Variants in CEP350 observed in about 807,000 individuals in gnomAD.
CEP350 encodes centrosome-associated protein 350.
In CEP350, 126 loss-of-function variants were observed where a neutral mutation model predicts 331.8. The observed-to-expected ratio is 0.38, with a 90% CI of 0.33 to 0.44. CEP350 has a LOEUF of 0.44. Among genes scored for constraint, CEP350 ranks in the 20% least tolerant of loss-of-function variants. The pLI, the probability that CEP350 is intolerant of heterozygous loss-of-function variation, is 1.00. For synonymous variants in CEP350, 1,200 were observed against 1,259.5 expected, an observed-to-expected ratio of 0.95 and a Z score of 1.00; for missense variants, 3,406 against 3,634.6, an observed-to-expected ratio of 0.94 and a Z score of 1.62.
intron 8 of CEP350, 114 bp from the exon 9 acceptor site, chr1:180,011,815 C>G: frequency 1.5e-6 from 1 of 684,864 alleles, no homozygotes; most frequent in South Asian, 2.3e-5. Flanking sequence ...TATTGTAAAT[C>G]TTTTGACCTT....
chr1:179,989,525 T>G (rs891323344), intron 3 of CEP350, among the ~76,000 whole-genome samples: 1 of 151,974 alleles, frequency 6.6e-6, no homozygotes, highest in Non-Finnish European at 1.5e-5. Flanking sequence ...ATCAAAATTT[T>G]ATATAAAATG....
chr1:180,004,489 G>T (rs1654074944), intron 7 of CEP350, among the ~76,000 whole-genome samples: 1 of 152,114 alleles, frequency 6.6e-6, no homozygotes, highest in Non-Finnish European at 1.5e-5. Flanking sequence ...CATTGTAAAA[G>T]AACCCCTCTT....
intron 21 of CEP350, among the ~76,000 whole-genome samples, chr1:180,047,773 A>AG (rs1297129359): frequency 4.0e-4 from 61 of 150,916 alleles, no homozygotes; most frequent in Admixed American, 1.8e-3. Context: ...AAAAAAAAAA[A>AG]AAAAAGAAAA....
At chr1:180,078,143 A>G (rs1659349240) in intron 28 of CEP350, among the ~76,000 whole-genome samples, 1 of 152,176 alleles carries the variant, frequency 6.6e-6, no homozygotes, top group Non-Finnish European at 1.5e-5. Context: ...TAAAAAAAAA[A>G]AAATTACATG....
At chr1:180,024,843 T>G (rs1000595764) in intron 14 of CEP350, among the ~76,000 whole-genome samples, 2 of 152,182 alleles carry the variant, frequency 1.3e-5, no homozygotes, top group African/African-American at 4.8e-5. Flanking sequence ...CAAATTTCCT[T>G]TGAGACTTCT....
At chr1:180,047,234 T>C (rs1308415422) in intron 21 of CEP350, among the ~76,000 whole-genome samples, 26 of 152,152 alleles carry the variant, frequency 1.7e-4, no homozygotes, top group Admixed American at 1.7e-3. Flanking sequence ...TTAACCTGGC[T>C]TGTGTAATGA....
intron 21 of CEP350, among the ~76,000 whole-genome samples, chr1:180,045,771 C>CTAT (rs1401738905): frequency 1.3e-5 from 2 of 152,160 alleles, no homozygotes; most frequent in African/African-American, 4.8e-5. Context: ...GGTTATTCAC[C>CTAT]TATTTGAAAT....
intron 1 of CEP350, among the ~76,000 whole-genome samples, chr1:179,984,514 A>G (rs914233230): frequency 6.6e-6 from 1 of 152,210 alleles, no homozygotes; most frequent in Admixed American, 6.5e-5. Flanking sequence ...TTCTTAGGAC[A>G]TGGCACCTGT....
chr1:180,075,280 T>A, intron 28 of CEP350, 59 bp downstream of exon 28: 1 of 1,468,124 alleles, frequency 6.8e-7, no homozygotes. Context: ...TTGAAAGATA[T>A]ATTTCATTAC....
intron 17 of CEP350, among the ~76,000 whole-genome samples, chr1:180,039,937 CTT>C (rs768794527): frequency 6.6e-6 from 1 of 152,012 alleles, no homozygotes; most frequent in East Asian, 1.9e-4. Flanking sequence ...TTATTTAAAT[CTT>C]TGAATATTTC....
chr1:180,073,408 G>A (rs1366351399), intron 27 of CEP350, among the ~76,000 whole-genome samples: 2 of 152,188 alleles, frequency 1.3e-5, no homozygotes, highest in African/African-American at 2.4e-5. Flanking sequence ...TTACATATGT[G>A]TGTAGAGTTG....
At chr1:180,028,361 T>A (rs1414274997) in intron 14 of CEP350, among the ~76,000 whole-genome samples, 1 of 152,196 alleles carries the variant, frequency 6.6e-6, no homozygotes, top group Non-Finnish European at 1.5e-5. Flanking sequence ...CAATTCTTAT[T>A]TTGCAATTGT....
At chr1:179,971,321 G>A (rs988808218) in intron 1 of CEP350, among the ~76,000 whole-genome samples, 19 of 151,798 alleles carry the variant, frequency 1.3e-4, no homozygotes, top group Admixed American at 1.0e-3. Context: ...GAGCCACTGC[G>A]CCCTGCCTTG....
At chr1:179,957,677 G>A (rs557530575) in intron 1 of CEP350, among the ~76,000 whole-genome samples, 1 of 152,220 alleles carries the variant, frequency 6.6e-6, no homozygotes, top group East Asian at 1.9e-4. Flanking sequence ...CTCAACTCTT[G>A]GGAATATATT....
chr1:180,088,611 A>T (rs1207760405), intron 32 of CEP350, among the ~76,000 whole-genome samples: 2 of 152,164 alleles, frequency 1.3e-5, no homozygotes, highest in Non-Finnish European at 2.9e-5. Context: ...ATTTTGGGAC[A>T]TTTTTGTTAG....
intron 37 of CEP350, among the ~76,000 whole-genome samples, chr1:180,109,000 A>G (rs1295587118): frequency 6.6e-6 from 1 of 152,186 alleles, no homozygotes; most frequent in Non-Finnish European, 1.5e-5. Context: ...TATATGTTGG[A>G]CAATACTGTT....
intron 32 of CEP350, among the ~76,000 whole-genome samples, 169 bp from the exon 33 acceptor site, chr1:180,090,545 C>CAAAAAAAAAAAAAAAAAAAA (rs36128628): frequency 1.0e-4 from 8 of 77,364 alleles, no homozygotes; most frequent in Admixed American, 3.7e-4. Context: ...GACTCCGTCT[C>CAAAAAAAAAAAAAAAAAAAA]AAAAAAAAAA....
chr1:180,007,370 G>GT (rs1433276001), intron 8 of CEP350, among the ~76,000 whole-genome samples: 1 of 151,792 alleles, frequency 6.6e-6, no homozygotes, highest in Non-Finnish European at 1.5e-5. Context: ...GTGATGATGG[G>GT]TTTTTTTTCA....
At chr1:180,011,880 CTTACAATTAAAA>C (rs1278708232) in intron 8 of CEP350, 37 bp from the exon 9 acceptor site, 1 of 1,309,458 alleles carries the variant, frequency 7.6e-7, no homozygotes, top group Admixed American at 2.3e-5. Context: ...AGATACACTT[CTTACAATTAAAA>C]TTTAAGTTTT....
Sources: gnomAD v4.1 joint callset for allele counts (sites outside exome capture counted in the v4.1 genomes callset) on GRCh38, gnomAD v4.1.1 for gene constraint, MANE v1.5 for transcripts, NCBI Gene and HGNC (gene_info 2026-07-23, HGNC 2026-07-21) for gene names.